The following KIF1A variants were observed in gnomAD, a reference collection of about 807,000 sequenced individuals.
KIF1A encodes the protein kinesin-like protein KIF1A.
Under a neutral mutation model 227.3 loss-of-function variants are expected in KIF1A, and 46 were observed. The ratio of observed to expected loss-of-function variants is 0.20; its 90% confidence interval spans 0.16 to 0.26. The LOEUF is 0.26. Ranked by LOEUF, KIF1A falls within the 10% of genes least tolerant of loss-of-function variation. KIF1A has a pLI of 1.00. For missense variants in KIF1A, 1,683 were observed against 2,485.9 expected, an observed-to-expected ratio of 0.68 and a Z score of 6.87; for synonymous variants, 1,022 against 1,012.8, an observed-to-expected ratio of 1.01 and a Z score of -0.17.
intron 25 of KIF1A, among the ~76,000 whole-genome samples, chr2:240,760,380 C>A (rs1007406135): frequency 2.8e-4 from 43 of 152,394 alleles, no homozygotes; most frequent in African/African-American, 6.5e-4. Context: ...ACCGTCCTGA[C>A]CCCTGTGGGC....
chr2:240,782,279 T>TCCG, intron 10 of KIF1A: 9 of 853,720 alleles, frequency 1.1e-5, no homozygotes, highest in Non-Finnish European at 1.1e-5. Flanking sequence ...GAGGGGCTCC[T>TCCG]CCGCGCCCCT....
chr2:240,788,190 C>T lies in KIF1A; in HGVS notation c.224G>A (p.Arg75Gln), dbSNP rs1304089588. The T allele has an allele frequency of 1.3e-5, 21 of 1,613,758 alleles. No individual in the cohort carries two copies. Among genetic ancestry groups the T allele is most frequent in the Non-Finnish European group, 1.5e-5 (18 of 1,179,878 alleles). ...INYASQKQVY[R>Q]DIGEEMLQHA... ...CTGCAGCATCTCCTCGCCGATGTCCCGGTACACCTGCTTCTGCGACGCGTA... is the reference window on the plus strand; with the variant it reads ...CTGCAGCATCTCCTCGCCGATGTCCTGGTACACCTGCTTCTGCGACGCGTA... The change falls in exon 4 of 49, where the codon CGG becomes CAG. Residue 75 changes from arginine (R) to glutamine (Q), a missense_variant. Physicochemically the swap from Arg to Gln is conservative, Grantham distance 43. This residue lies in a region of KIF1A where 71 missense variants were observed against 129.1 expected (regional missense o/e 0.55). Coordinates refer to ENST00000498729, the MANE Select transcript of KIF1A (RefSeq NM_001244008.2). This position sits in a 1 kb window ranked among gnomAD's most constrained non-coding sequence, Gnocchi z 6.6.
rs2055235218 is a variant in KIF1A at position 240,788,572 on chromosome 2, G to A, written c.184-342C>T. ...AGGGGTGACAAGAGCTGAGACTGGG[G>A]ACAGGGTGCAAAGGCCCAGAGACCC... On this transcript the variant is annotated intron_variant, in intron 3 of 48. Coordinates refer to ENST00000498729, the MANE Select transcript of KIF1A (RefSeq NM_001244008.2). The surrounding 1 kb of genome is among the most constrained non-coding windows in gnomAD (Gnocchi z 6.6). 6.6e-6 allele frequency among the ~76,000 whole-genome samples: 1 copy of A among 152,110 alleles called. No homozygotes were observed. The highest frequency in any genetic ancestry group is 2.4e-5 in the African/African-American group (1 of 41,414).
In KIF1A at chr2:240,758,512, G is replaced by A. The variant is rs2050133127; in HGVS notation, c.2445-15C>T. On this transcript the variant is annotated splice_polypyrimidine_tract_variant and intron_variant, in intron 25 of 48. Coordinates refer to ENST00000498729, the MANE Select transcript of KIF1A (RefSeq NM_001244008.2). The surrounding 1 kb of genome is among the most constrained non-coding windows in gnomAD (Gnocchi z 5.2). The stretch of plus-strand genomic sequence containing the variant: ...CCAGACGCTGCCTGCAGGGACGGCA[G>A]GGGTCAATGTGGACCCAGGCCCAGC... The A allele has an allele frequency of 1.3e-6, 2 of 1,559,294 alleles. No individual in the cohort carries two copies. Among genetic ancestry groups the A allele is most frequent in the Non-Finnish European group, 1.7e-6 (2 of 1,150,790 alleles).
intron 10 of KIF1A, among the ~76,000 whole-genome samples, chr2:240,780,767 GCTCC>G (rs1179303549): frequency 8.0e-5 from 10 of 124,644 alleles, no homozygotes; most frequent in Middle Eastern, 4.6e-3. Flanking sequence ...TCCCCACACA[GCTCC>G]ACACACACAC....
At chr2:240,746,304 A>C in intron 29 of KIF1A, 127 bp from the exon 30 acceptor site, 1 of 1,119,690 alleles carries the variant, frequency 8.9e-7, no homozygotes, top group Non-Finnish European at 1.3e-6. Flanking sequence ...CCATGAACCC[A>C]CGCACCAGAC....
intron 1 of KIF1A, among the ~76,000 whole-genome samples, chr2:240,808,859 T>C (rs1394663923): frequency 1.3e-5 from 2 of 151,570 alleles, no homozygotes; most frequent in East Asian, 3.9e-4. Flanking sequence ...GCCTCCCGAG[T>C]AGTTGGGATT....
Position 240,788,873 on chromosome 2 carries a change from AAGG to A in KIF1A, c.183+360_183+362del, listed in dbSNP as rs2055279218. On this transcript the variant is annotated intron_variant, in intron 3 of 48. Transcript: ENST00000498729. The surrounding 1 kb of genome is among the most constrained non-coding windows in gnomAD (Gnocchi z 6.6). ...GTGTGGACTGGATCGGGGAGGAGGG[AAGG>A]AGAAGAGTCCAGGGGTCTCCTGGGC... Among the ~76,000 whole-genome samples the A allele has an allele frequency of 2.0e-5, 3 of 151,842 alleles. No individual in the cohort carries two copies. The South Asian group carries it at 6.3e-4, about 32-fold the overall frequency.
intron 1 of KIF1A, among the ~76,000 whole-genome samples, chr2:240,813,396 G>T (rs2126249604): frequency 6.6e-6 from 1 of 152,318 alleles, no homozygotes; most frequent in East Asian, 1.9e-4. Flanking sequence ...AGGGGCAGGG[G>T]CTCAGGCATG....
intron 7 of KIF1A, 43 bp from the exon 8 acceptor site, chr2:240,783,859 G>T (rs777435360): frequency 5.5e-6 from 8 of 1,447,374 alleles, no homozygotes; most frequent in Non-Finnish European, 7.6e-6. Context: ...GCCACAAGAT[G>T]CGCGGGGGCA....
rs1393651098 is a variant in KIF1A at position 240,788,612 on chromosome 2, C to T, written c.184-382G>A. 1.3e-5 allele frequency among the ~76,000 whole-genome samples: 2 copies of T among 152,034 alleles called. No individual in the cohort carries two copies. The highest frequency in any genetic ancestry group is 1.9e-4 in the East Asian group (1 of 5,170). ...CCCAGAGACCCCACAGGCTGGGCTA[C>T]AGCGCCTGGACACTGTCCTGAGGAC... On this transcript the variant is annotated intron_variant, in intron 3 of 48. Coordinates refer to ENST00000498729, the MANE Select transcript of KIF1A (RefSeq NM_001244008.2). This position sits in a 1 kb window ranked among gnomAD's most constrained non-coding sequence, Gnocchi z 6.6.
intron 34 of KIF1A, among the ~76,000 whole-genome samples, chr2:240,742,150 T>A (rs901578075): frequency 2.0e-5 from 3 of 152,168 alleles, no homozygotes; most frequent in Non-Finnish European, 4.4e-5. Flanking sequence ...CAAACCTTCA[T>A]CTTACAGGGG....
chr2:240,721,081 G>C (rs557881323), intron 44 of KIF1A, 43 bp from the exon 45 acceptor site: 1 of 1,606,720 alleles, frequency 6.2e-7, no homozygotes, highest in Non-Finnish European at 8.5e-7. Context: ...GGGAAGGGGG[G>C]TCTCCGGCCT....
At chr2:240,797,459 A>G (rs1462103044) in intron 2 of KIF1A, among the ~76,000 whole-genome samples, 188 bp downstream of exon 2, 2 of 152,130 alleles carry the variant, frequency 1.3e-5, no homozygotes, top group Non-Finnish European at 2.9e-5. Context: ...GTAAATCTCT[A>G]TTCTTATAAG....
intron 40 of KIF1A, 119 bp from the exon 41 acceptor site, chr2:240,724,155 G>A: frequency 2.4e-6 from 2 of 843,122 alleles, no homozygotes; most frequent in African/African-American, 1.7e-5. Context: ...TGGGGTGATG[G>A]GGTGTTGAGG....
At chr2:240,732,769 AGGGATAAGGGATGAG>A (rs67732244) in intron 38 of KIF1A, among the ~76,000 whole-genome samples, 26,872 of 41,784 alleles carry the variant, frequency 0.64, 8,815 homozygotes, top group African/African-American at 0.68. Flanking sequence ...GGAATGAGGG[AGGGATAAGGGATGAG>A]GGGATAAGGG....
intron 32 of KIF1A, among the ~76,000 whole-genome samples, chr2:240,744,366 T>C (rs2048349403): frequency 6.6e-6 from 1 of 152,200 alleles, no homozygotes; most frequent in African/African-American, 2.4e-5. Flanking sequence ...AGCGCTGGTC[T>C]CTTCAGGACT....
At chr2:240,737,201 C>T in intron 37 of KIF1A, 33 bp from the exon 38 acceptor site, 2 of 1,583,412 alleles carry the variant, frequency 1.3e-6, no homozygotes, top group African/African-American at 1.3e-5. Flanking sequence ...CAGGTCACTT[C>T]CCAGGGGGCA....
rs1422413312 is a variant in KIF1A at position 240,722,488 on chromosome 2, G to T, written c.4633C>A (p.Pro1545Thr). ...GCCAGCTCCCGCTGCCTCTCGTTGG[G>T]AGCCTCCAGGGGTGATGGGCGGCCC... The part of the protein sequence containing the change: ...AEGRPSPLEA[P>T]NERQRELAVK... The change falls in exon 43 of 49, where the codon CCC becomes ACC. Residue 1545 changes from proline (P) to threonine (T), a missense_variant. Coordinates refer to ENST00000498729, the MANE Select transcript of KIF1A (RefSeq NM_001244008.2). The T allele has an allele frequency of 2.6e-6, 4 of 1,547,412 alleles. No homozygotes were observed. The highest frequency in any genetic ancestry group is 2.6e-6 in the Non-Finnish European group (3 of 1,146,794).
Sources: allele counts gnomAD v4.1 joint callset (sites outside exome capture counted in the v4.1 genomes callset), GRCh38; gene constraint gnomAD v4.1.1; regional missense constraint gnomAD v4.1.1; non-coding constraint Gnocchi (gnomAD v3.1); transcripts MANE v1.5; gene names NCBI Gene and HGNC (gene_info 2026-07-23, HGNC 2026-07-21).